STAG1: variants seen among roughly 807,000 people sequenced by gnomAD.
STAG1 encodes the protein STAG1 cohesin complex component.
STAG1 carries 26 observed loss-of-function variants against 170.9 expected under a neutral mutation model. The observed-to-expected ratio is 0.15, with a 90% CI of 0.11 to 0.21. STAG1 has a LOEUF of 0.21. STAG1 is among the 10% of genes least tolerant of loss of function. STAG1 has a pLI of 1.00. For synonymous variants in STAG1, 514 were observed against 497.7 expected (o/e 1.03, Z -0.44); for missense variants, 964 against 1,509.5 (o/e 0.64, Z 5.99).
intron 8 of STAG1, among the ~76,000 whole-genome samples, chr3:136,501,626 C>T (rs1933478420): frequency 6.6e-6 from 1 of 152,194 alleles, no homozygotes; most frequent in Non-Finnish European, 1.5e-5. Context: ...GCCTGCAAGC[C>T]TGTGAGATTA....
chr3:136,544,758 CA>C (rs33968101), intron 5 of STAG1, among the ~76,000 whole-genome samples: 25 of 146,590 alleles, frequency 1.7e-4, no homozygotes, highest in African/African-American at 2.3e-4. Flanking sequence ...GAGCAAGACT[CA>C]AAAAAAAAAA....
intron 6 of STAG1, among the ~76,000 whole-genome samples, chr3:136,524,523 C>T (rs1007622592): frequency 6.6e-5 from 10 of 152,306 alleles, no homozygotes; most frequent in African/African-American, 2.2e-4. Flanking sequence ...TCTAAATATA[C>T]AATCCTGTCA....
At chr3:136,711,170 A>G (rs937263382) in intron 1 of STAG1, among the ~76,000 whole-genome samples, 2 of 152,146 alleles carry the variant, frequency 1.3e-5, no homozygotes, top group African/African-American at 4.8e-5. Flanking sequence ...AAGGATGTCA[A>G]TTCTGCCCAT....
intron 5 of STAG1, among the ~76,000 whole-genome samples, chr3:136,546,852 T>C (rs1372761855): frequency 6.6e-6 from 1 of 152,210 alleles, no homozygotes; most frequent in African/African-American, 2.4e-5. Context: ...TAAGATTCTT[T>C]AGCAGTTTCT....
At chr3:136,591,556 GAAA>G (rs746552079) in intron 4 of STAG1, 97 of 355,918 alleles carry the variant, frequency 2.7e-4, no homozygotes, top group South Asian at 4.8e-4. Flanking sequence ...ATCTCTATTT[GAAA>G]AAAAAAAAAA....
At chr3:136,498,187 C>T (rs372054206) in intron 9 of STAG1, among the ~76,000 whole-genome samples, 2 of 81,020 alleles carry the variant, frequency 2.5e-5, no homozygotes, top group Admixed American at 1.6e-4. Context: ...AGCAAAACTC[C>T]ATCTTAAAAA....
chr3:136,733,112 TCTCACTCTGTCACCCAG>T (rs1304582859), intron 1 of STAG1, among the ~76,000 whole-genome samples: 1 of 144,532 alleles, frequency 6.9e-6, no homozygotes, highest in Non-Finnish European at 1.5e-5. Context: ...TTTGAGACAG[TCTCACTCTGTCACCCAG>T]GCTGGAGTGC....
intron 6 of STAG1, among the ~76,000 whole-genome samples, chr3:136,530,563 A>G (rs550696054): frequency 6.2e-4 from 94 of 152,312 alleles, no homozygotes; most frequent in African/African-American, 2.2e-3. Flanking sequence ...ATCATATGAA[A>G]TATCTTCTCA....
intron 1 of STAG1, among the ~76,000 whole-genome samples, chr3:136,665,911 T>C (rs754019898): frequency 6.8e-5 from 10 of 148,072 alleles, no homozygotes; most frequent in Non-Finnish European, 1.2e-4. Flanking sequence ...CCGTCTCCAC[T>C]AAAAATACAA....
At chr3:136,453,558 T>G (rs1370396461) in intron 13 of STAG1, among the ~76,000 whole-genome samples, 3 of 144,788 alleles carry the variant, frequency 2.1e-5, no homozygotes, top group African/African-American at 7.9e-5. Context: ...GCCACTGCAC[T>G]CCAGCCTGGG....
At position 136,604,440 on chromosome 3, in the gene STAG1, C is replaced by G. The variant is rs775077163; in HGVS notation, c.166G>C (p.Glu56Gln). ...TNKKPRKSPGEKSRIEAGIRG... is the reference protein window; with the variant it reads ...TNKKPRKSPGQKSRIEAGIRG... ...ATTCCAGCTTCAATTCTGCTCTTCT[C>G]ACCTGGAGATTTTCGAGGTTTCTTA... The change falls in exon 4 of 34, where the codon GAG becomes CAG. Residue 56 changes from glutamate to glutamine, a missense_variant. Physicochemically the swap from Glu to Gln is conservative, Grantham distance 29 (BLOSUM62 2). Transcript: ENST00000383202. 6.2e-7 allele frequency: 1 copy of G among 1,603,274 alleles called. No homozygotes were observed. The highest frequency in any genetic ancestry group is 1.1e-5 in the South Asian group (1 of 88,232).
At chr3:136,572,951 G>A (rs1414005441) in intron 4 of STAG1, among the ~76,000 whole-genome samples, 1 of 152,172 alleles carries the variant, frequency 6.6e-6, no homozygotes, top group African/African-American at 2.4e-5. Flanking sequence ...CAATGCGGAA[G>A]GACCACTTGA....
At chr3:136,370,771 T>C (rs1050898889) in intron 23 of STAG1, among the ~76,000 whole-genome samples, 1 of 152,240 alleles carries the variant, frequency 6.6e-6, no homozygotes, top group Non-Finnish European at 1.5e-5. Context: ...TGTTGGACAT[T>C]TGGGTTGGTT....
At position 136,403,224 on chromosome 3, in the gene STAG1, TAAAAAAAAA is replaced by T. The variant is rs55678408; in HGVS notation, c.2197-4404_2197-4396del. Among the ~76,000 whole-genome samples, 13 of 33,600 alleles carry T rather than the reference TAAAAAAAAA, an allele frequency of 3.9e-4. 1 individual carries two copies. Among genetic ancestry groups the T allele is most frequent in the Admixed American group, 2.9e-3 (5 of 1,722 alleles). The allele number at this position is 33,600 out of a possible 152,430, so 22.0% of individuals were successfully genotyped here. A position where few individuals can be genotyped will look rare whatever the true frequency, so the allele number is the denominator to read the frequency against. ...CCTGGGCGACAGAGTGAGACTGTCT[TAAAAAAAAA>T]AAAAAAAAAAAAAAAAAAAAGAAAA... On this transcript the variant is annotated intron_variant, in intron 21 of 33. Coordinates refer to ENST00000383202, the MANE Select transcript of STAG1 (RefSeq NM_005862.3).
At chr3:136,410,266 G>A (rs1170516124) in intron 21 of STAG1, among the ~76,000 whole-genome samples, 1 of 151,764 alleles carries the variant, frequency 6.6e-6, no homozygotes, top group Non-Finnish European at 1.5e-5. Context: ...TCGGTGTGGT[G>A]GCGGGCTCCT....
chr3:136,495,884 G>C (rs1370136256), intron 9 of STAG1, among the ~76,000 whole-genome samples: 1 of 151,286 alleles, frequency 6.6e-6, no homozygotes, highest in African/African-American at 2.4e-5. Context: ...CAGGAGAATG[G>C]CGTGAACCTG....
chr3:136,703,231 A>T (rs1245571713), intron 1 of STAG1, among the ~76,000 whole-genome samples: 2 of 152,222 alleles, frequency 1.3e-5, no homozygotes, highest in Admixed American at 1.3e-4. Context: ...AAACACTTAT[A>T]GTGTCCATGA....
At chr3:136,344,420 G>A (rs1188348238) in intron 29 of STAG1, among the ~76,000 whole-genome samples, 1 of 152,108 alleles carries the variant, frequency 6.6e-6, no homozygotes, top group Non-Finnish European at 1.5e-5. Flanking sequence ...GGGGTCCCAG[G>A]CAGTAGCAAT....
At chr3:136,467,080 A>G (rs968458879) in intron 12 of STAG1, among the ~76,000 whole-genome samples, 1 of 152,234 alleles carries the variant, frequency 6.6e-6, no homozygotes, top group African/African-American at 2.4e-5. Flanking sequence ...GGATGCTAGA[A>G]AGAAACCGCA....
Sources: allele counts gnomAD v4.1 joint callset (sites outside exome capture counted in the v4.1 genomes callset), GRCh38; gene constraint gnomAD v4.1.1; transcripts MANE v1.5; gene names NCBI Gene and HGNC (gene_info 2026-07-23, HGNC 2026-07-21).